IL1RAPL2: variants seen among roughly 807,000 people sequenced by gnomAD.
The protein encoded by IL1RAPL2 is interleukin 1 receptor accessory protein like 2, also known as X-linked interleukin-1 receptor accessory protein-like 2.
In IL1RAPL2, 3 loss-of-function variants were observed where a neutral mutation model predicts 44.1. The ratio of observed to expected loss-of-function variants is 0.07; its 90% CI spans 0.03 to 0.18. The LOEUF (loss-of-function observed/expected upper bound fraction) is 0.18. IL1RAPL2 is among the 10% of genes least tolerant of loss of function. IL1RAPL2 has a pLI of 1.00. For synonymous variants in IL1RAPL2, 181 were observed against 178.8 expected (o/e 1.01, Z -0.10); for missense variants, 391 against 496.4 (o/e 0.79, Z 2.02).
At chrX:105,057,001 G>A (rs952190802) in intron 2 of IL1RAPL2, among the ~76,000 whole-genome samples, 5 of 111,512 alleles carry the variant, frequency 4.5e-5, no homozygotes, top group Admixed American at 1.9e-4. Context: ...TGTGCATGGT[G>A]ATGACCATGA....
chrX:105,597,510 G>T (rs80244838), intron 6 of IL1RAPL2, among the ~76,000 whole-genome samples: 5,644 of 110,975 alleles, frequency 0.051, 382 homozygotes, highest in African/African-American at 0.18. Context: ...AAGGTAAAGG[G>T]GGAGTAGGCA....
At chrX:104,883,731 C>T (rs1212137978) in intron 2 of IL1RAPL2, among the ~76,000 whole-genome samples, 1 of 111,208 alleles carries the variant, frequency 9.0e-6, no homozygotes, top group African/African-American at 3.3e-5. Flanking sequence ...CCCAGGCTCA[C>T]CAATCAGAAA....
At chrX:105,127,009 T>C (rs1475367117) in intron 2 of IL1RAPL2, among the ~76,000 whole-genome samples, 5 of 111,274 alleles carry the variant, frequency 4.5e-5, no homozygotes, top group Non-Finnish European at 9.5e-5. Flanking sequence ...AATTACAATA[T>C]AGCAAAAATG....
chrX:104,662,211 G>A (rs1371981523), intron 2 of IL1RAPL2, among the ~76,000 whole-genome samples: 1 of 112,174 alleles, frequency 8.9e-6, no homozygotes, highest in Non-Finnish European at 1.9e-5. Context: ...ATTTTTAGAG[G>A]TGATAGCACA....
At chrX:105,035,955 CT>C (rs777416623) in intron 2 of IL1RAPL2, among the ~76,000 whole-genome samples, 13 of 111,310 alleles carry the variant, frequency 1.2e-4, no homozygotes, top group Middle Eastern at 4.6e-3. Flanking sequence ...CACAGCATTG[CT>C]TTTTTTTGTA....
At chrX:105,685,754 A>G (rs977696649) in intron 6 of IL1RAPL2, among the ~76,000 whole-genome samples, 1 of 111,605 alleles carries the variant, frequency 9.0e-6, no homozygotes, top group Non-Finnish European at 1.9e-5. Flanking sequence ...TAATTGTCAG[A>G]TTAACCAAGG....
At chrX:104,670,627 G>T (rs1028745896) in intron 2 of IL1RAPL2, among the ~76,000 whole-genome samples, 16 of 110,637 alleles carry the variant, frequency 1.4e-4, no homozygotes, top group African/African-American at 4.6e-4. Context: ...AGATTCGGGG[G>T]TATACACGTG....
intron 7 of IL1RAPL2, among the ~76,000 whole-genome samples, chrX:105,723,450 T>C (rs191965520): frequency 1.8e-5 from 2 of 111,646 alleles, no homozygotes; most frequent in African/African-American, 3.2e-5. Context: ...CATGTTGATA[T>C]AGGCTTTTTC....
intron 3 of IL1RAPL2, among the ~76,000 whole-genome samples, chrX:105,233,014 C>T (rs782667603): frequency 1.8e-5 from 2 of 112,165 alleles, no homozygotes; most frequent in East Asian, 2.8e-4. Context: ...GTTGGCCAGG[C>T]GCCGTGGCTC....
At chrX:105,338,260 T>G (rs16984717) in intron 5 of IL1RAPL2, among the ~76,000 whole-genome samples, 14,549 of 111,675 alleles carry the variant, frequency 0.13, 2,317 homozygotes, top group African/African-American at 0.45. Flanking sequence ...TTGATGTTAC[T>G]GTCAGGATTG....
intron 5 of IL1RAPL2, among the ~76,000 whole-genome samples, chrX:105,334,156 A>G (rs2035009884): frequency 8.9e-6 from 1 of 112,463 alleles, no homozygotes; most frequent in Non-Finnish European, 1.9e-5. Context: ...AAAATTTAGT[A>G]CATATACAAA....
chrX:104,948,745 G>A (rs1326831235), intron 2 of IL1RAPL2, among the ~76,000 whole-genome samples: 4 of 110,035 alleles, frequency 3.6e-5, no homozygotes, highest in African/African-American at 6.5e-5. Context: ...TGTTGAACCA[G>A]CCTTGCATCC....
Position 104,669,686 on chromosome X carries a change from C to T in IL1RAPL2, c.82+10691C>T, listed in dbSNP as rs575886119. On this transcript the variant is annotated intron_variant, in intron 2 of 10. Coordinates refer to ENST00000372582, the MANE Select transcript of IL1RAPL2 (RefSeq NM_017416.2). ...TATTTGTTTTAACTACAAGGTGATT[C>T]TAATGTACAGCCAGGGATGAGAACC... Among the ~76,000 whole-genome samples, 74 of 111,642 alleles carry T rather than the reference C, an allele frequency of 6.6e-4. 1 individual carries two copies. Among genetic ancestry groups the T allele is most frequent in the Non-Finnish European group, 1.2e-3 (65 of 53,096 alleles).
intron 6 of IL1RAPL2, among the ~76,000 whole-genome samples, chrX:105,509,103 T>A (rs1483246916): frequency 9.0e-6 from 1 of 111,690 alleles, no homozygotes; most frequent in Non-Finnish European, 1.9e-5. Flanking sequence ...TGATAAAGTT[T>A]GCCCTCACAG....
intron 5 of IL1RAPL2, among the ~76,000 whole-genome samples, chrX:105,311,782 A>G (rs1343333165): frequency 9.0e-6 from 1 of 110,973 alleles, no homozygotes; most frequent in Non-Finnish European, 1.9e-5. Context: ...AAAAAGTAAG[A>G]CCAGGAGGCA....
At chrX:104,983,555 CAT>C (rs1356623449) in intron 2 of IL1RAPL2, among the ~76,000 whole-genome samples, 5 of 89,605 alleles carry the variant, frequency 5.6e-5, no homozygotes, top group Non-Finnish European at 1.1e-4. Flanking sequence ...ATATTATAGA[CAT>C]ATTATATATT....
At chrX:105,278,935 T>G (rs774384900) in intron 5 of IL1RAPL2, among the ~76,000 whole-genome samples, 5 of 111,715 alleles carry the variant, frequency 4.5e-5, no homozygotes, top group Admixed American at 1.9e-4. Context: ...TGTTTTACAT[T>G]TCCGTAATTT....
chrX:104,785,216 A>G (rs1033103659), intron 2 of IL1RAPL2, among the ~76,000 whole-genome samples: 2 of 110,266 alleles, frequency 1.8e-5, no homozygotes, highest in Non-Finnish European at 3.8e-5. Context: ...GGATTTCTCT[A>G]TTTTGCCCAG....
intron 5 of IL1RAPL2, among the ~76,000 whole-genome samples, chrX:105,368,656 T>G (rs2035314010): frequency 8.9e-6 from 1 of 111,732 alleles, no homozygotes; most frequent in Admixed American, 9.5e-5. Context: ...TTAAGTGTTT[T>G]GGTGTGAGTT....
Sources: allele counts gnomAD v4.1 joint callset (sites outside exome capture counted in the v4.1 genomes callset), GRCh38; gene constraint gnomAD v4.1.1; transcripts MANE v1.5; gene names NCBI Gene and HGNC (gene_info 2026-07-23, HGNC 2026-07-21).